The following ZFAT variants were observed in gnomAD, a reference collection of about 807,000 sequenced individuals.
ZFAT encodes the protein zinc finger protein ZFAT.
A neutral mutation model predicts 117.7 loss-of-function variants in ZFAT; 64 were observed. That is an observed-to-expected ratio of 0.54 (90% CI 0.44 to 0.67). ZFAT has a LOEUF of 0.67. ZFAT is among the 30% of genes least tolerant of loss of function. The pLI is 0.00. For synonymous variants in ZFAT, 679 were observed against 615.0 expected (o/e 1.10, Z -1.54); for missense variants, 1,433 against 1,584.5 (o/e 0.90, Z 1.62).
chr8:134,482,237 A>G (rs567889927), intron 15 of ZFAT, among the ~76,000 whole-genome samples: 2 of 152,300 alleles, frequency 1.3e-5, no homozygotes, highest in East Asian at 3.9e-4. Flanking sequence ...GCTCCAGATC[A>G]TACCTCCGTC....
chr8:134,628,409 T>C (rs529653431), intron 3 of ZFAT, among the ~76,000 whole-genome samples: 30 of 152,156 alleles, frequency 2.0e-4, no homozygotes, highest in African/African-American at 4.8e-4. Flanking sequence ...CTAAGTAACA[T>C]AGCAGGTTCT....
intron 10 of ZFAT, among the ~76,000 whole-genome samples, chr8:134,572,566 C>T (rs1236492145): frequency 6.6e-6 from 1 of 152,212 alleles, no homozygotes; most frequent in Non-Finnish European, 1.5e-5. Flanking sequence ...TCTGACCAAG[C>T]ATCTTTCTCC....
intron 10 of ZFAT, among the ~76,000 whole-genome samples, chr8:134,571,609 G>A (rs763408074): frequency 2.0e-5 from 3 of 152,240 alleles, no homozygotes; most frequent in South Asian, 2.1e-4. Flanking sequence ...ACCAAACAGC[G>A]TTCTCTAGAG....
chr8:134,774,353 C>T, the ZFAT span, among the ~76,000 whole-genome samples: 1 of 152,120 alleles, frequency 6.6e-6, no homozygotes, highest in African/African-American at 2.4e-5. Flanking sequence ...GAGTGGCATC[C>T]TAAGCTACAG....
intron 8 of ZFAT, among the ~76,000 whole-genome samples, chr8:134,588,939 GC>G (rs1203809087): frequency 2.6e-4 from 39 of 152,286 alleles, no homozygotes; most frequent in African/African-American, 9.1e-4. Context: ...ATTTGGAGAT[GC>G]ATTTTAAACG....
At chr8:134,824,909 A>ACAGTG in the ZFAT span, among the ~76,000 whole-genome samples, 4 of 152,242 alleles carry the variant, frequency 2.6e-5, no homozygotes, top group Non-Finnish European at 5.9e-5. Flanking sequence ...CAAAACTGGT[A>ACAGTG]CAGTGCAGTG....
chr8:134,718,589 A>T, the ZFAT span, among the ~76,000 whole-genome samples: 4 of 152,188 alleles, frequency 2.6e-5, no homozygotes, highest in African/African-American at 7.2e-5. Flanking sequence ...CCATGAAAAA[A>T]GGGGCAGGGA....
At chr8:134,826,098 G>C in the ZFAT span, among the ~76,000 whole-genome samples, 1 of 151,690 alleles carries the variant, frequency 6.6e-6, no homozygotes, top group Non-Finnish European at 1.5e-5. Context: ...ATTTCCATAT[G>C]ATATTTACTC....
At chr8:134,603,000 T>C in intron 5 of ZFAT, 67 bp from the exon 6 acceptor site, 20 of 1,534,904 alleles carry the variant, frequency 1.3e-5, no homozygotes, top group Non-Finnish European at 1.6e-5. Flanking sequence ...TCTACATCCT[T>C]TTCATGAACC....
the ZFAT span, among the ~76,000 whole-genome samples, chr8:134,746,284 T>C: frequency 1.3e-5 from 2 of 152,220 alleles, no homozygotes; most frequent in Admixed American, 1.3e-4. Flanking sequence ...TTCCTGATCA[T>C]CTGTAATTCT....
chr8:134,540,196 G>A (rs1048853757), intron 11 of ZFAT, among the ~76,000 whole-genome samples: 7 of 152,152 alleles, frequency 4.6e-5, no homozygotes, highest in African/African-American at 9.7e-5. Flanking sequence ...TGGAATGCAG[G>A]GGCAGGCAGC....
the ZFAT span, among the ~76,000 whole-genome samples, chr8:134,798,510 G>A: frequency 1.3e-5 from 2 of 152,158 alleles, no homozygotes; most frequent in South Asian, 4.1e-4. Flanking sequence ...GTACCTTCCT[G>A]TAAGGGTGGG....
intron 2 of ZFAT, among the ~76,000 whole-genome samples, chr8:134,655,420 G>A (rs1831537390): frequency 6.6e-6 from 1 of 152,182 alleles, no homozygotes; most frequent in Non-Finnish European, 1.5e-5. Flanking sequence ...GGCCTAGGTG[G>A]GTGGATTGCT....
chr8:134,585,634 G>A (rs908594021), intron 9 of ZFAT, among the ~76,000 whole-genome samples: 1 of 152,196 alleles, frequency 6.6e-6, no homozygotes, highest in Non-Finnish European at 1.5e-5. Flanking sequence ...ACCCTGGGGA[G>A]TCACCTAAAC....
intron 11 of ZFAT, among the ~76,000 whole-genome samples, chr8:134,533,301 AT>A (rs142476772): frequency 3.3e-5 from 5 of 152,104 alleles, no homozygotes; most frequent in Non-Finnish European, 5.9e-5. Context: ...CTAATCTATC[AT>A]TTTTTTAAGT....
intron 1 of ZFAT, among the ~76,000 whole-genome samples, chr8:134,661,391 A>C (rs760434159): frequency 1.3e-5 from 2 of 152,146 alleles, no homozygotes; most frequent in Non-Finnish European, 2.9e-5. Flanking sequence ...GGCAAGGAGA[A>C]ACTGTCTGAA....
chr8:134,701,796 A>C (rs1343688277), intron 1 of ZFAT, among the ~76,000 whole-genome samples: 2 of 152,190 alleles, frequency 1.3e-5, no homozygotes, highest in Non-Finnish European at 2.9e-5. Flanking sequence ...CAATTTGTTT[A>C]GCTATTCACC....
At chr8:134,579,532 C>T (rs940186651) in intron 10 of ZFAT, among the ~76,000 whole-genome samples, 2 of 152,160 alleles carry the variant, frequency 1.3e-5, no homozygotes, top group African/African-American at 4.8e-5. Flanking sequence ...CTGGGTCCCT[C>T]CCACATCACA....
chr8:134,703,918 G>C (rs1280991910), intron 1 of ZFAT, among the ~76,000 whole-genome samples: 5 of 152,172 alleles, frequency 3.3e-5, no homozygotes, highest in African/African-American at 1.2e-4. Flanking sequence ...AAAAACAGAT[G>C]GTGGAAAAGA....
Sources: allele counts gnomAD v4.1 joint callset (sites outside exome capture counted in the v4.1 genomes callset), GRCh38; gene constraint gnomAD v4.1.1; transcripts MANE v1.5; gene names NCBI Gene and HGNC (gene_info 2026-07-23, HGNC 2026-07-21).